The following KCTD18 variants were observed in gnomAD, a reference collection of about 807,000 sequenced individuals.
The protein encoded by KCTD18 is potassium channel tetramerization domain containing 18.
KCTD18 carries 22 observed loss-of-function variants against 30.4 expected under a neutral mutation model. The ratio of observed to expected loss-of-function variants is 0.72; its 90% CI spans 0.52 to 1.03. The LOEUF is 1.03. Ranked by LOEUF, KCTD18 falls within the 50% of genes least tolerant of loss-of-function variation. The pLI is 0.00. For synonymous variants in KCTD18, 186 were observed against 209.0 expected, an observed-to-expected ratio of 0.89 and a Z score of 0.95; for missense variants, 529 against 547.6, an observed-to-expected ratio of 0.97 and a Z score of 0.34.
Position 200,490,352 on chromosome 2 carries a change from A to G in KCTD18, c.1029T>C (p.Pro343=), listed in dbSNP as rs770629295. 1 of 1,614,232 alleles carries G rather than the reference A, an allele frequency of 6.2e-7. No homozygotes were observed. The highest frequency in any genetic ancestry group is 1.1e-5 in the South Asian group (1 of 91,092). The stretch of plus-strand genomic sequence containing the variant: ...CGCTCGCAGCCCCAGGGGAAGCCTG[A>G]GGATGCCCAGGTGCCCCCGTGCCCA... ...ALVGTGAPGH[P]QASPGAASAE... Residue 343 remains proline (P), a synonymous_variant, in exon 7 of 7, where the codon CCT becomes CCC. Coordinates refer to ENST00000359878, the MANE Select transcript of KCTD18 (RefSeq NM_152387.4).
intron 6 of KCTD18, among the ~76,000 whole-genome samples, chr2:200,492,422 A>G (rs2106276232): frequency 6.6e-6 from 1 of 152,368 alleles, no homozygotes; most frequent in East Asian, 1.9e-4. Context: ...AAAAGGTAAA[A>G]TAAATGATAA....
intron 3 of KCTD18, among the ~76,000 whole-genome samples, chr2:200,501,708 C>T (rs1321830060): frequency 6.8e-6 from 1 of 147,480 alleles, no homozygotes; most frequent in African/African-American, 2.5e-5. Flanking sequence ...ACTAGTTCAA[C>T]CATTGTGGAA....
intron 3 of KCTD18, among the ~76,000 whole-genome samples, chr2:200,501,783 C>T (rs1193396707): frequency 6.6e-6 from 1 of 151,746 alleles, no homozygotes; most frequent in Non-Finnish European, 1.5e-5. Flanking sequence ...CATCCCATTA[C>T]TGGGTATATA....
Position 200,490,190 on chromosome 2 carries a change from C to A in KCTD18, c.1191G>T (p.Thr397=). ...TAPCLPSPTA[T]RQANSLKPLP... is the part of the protein sequence containing the mutation. ...GCGGCTTGAGGGAGTTGGCCTGCCT[C>A]GTGGCCGTGGGGGAGGGCAGGCAAG... The change falls in exon 7 of 7, where the codon ACG becomes ACT. Residue 397 remains threonine, a synonymous_variant. Coordinates refer to ENST00000359878, the MANE Select transcript of KCTD18 (RefSeq NM_152387.4). 6.2e-7 allele frequency: 1 copy of A among 1,613,886 alleles called. No homozygotes were observed. The highest frequency in any genetic ancestry group is 8.5e-7 in the Non-Finnish European group (1 of 1,179,776).
intron 4 of KCTD18, among the ~76,000 whole-genome samples, chr2:200,498,522 T>C (rs1222742887): frequency 6.6e-6 from 1 of 152,250 alleles, no homozygotes; most frequent in East Asian, 1.9e-4. Context: ...AGTCACTCAG[T>C]AGGCCTGCTG....
At chr2:200,508,875 CCTAT>C (rs1469502583) in intron 1 of KCTD18, among the ~76,000 whole-genome samples, 3 of 152,176 alleles carry the variant, frequency 2.0e-5, no homozygotes, top group Non-Finnish European at 4.4e-5. Flanking sequence ...TCCCTGGAAT[CCTAT>C]CTATTCTTCA....
chr2:200,490,675 A>T (rs982820866), intron 6 of KCTD18, 59 bp from the exon 7 acceptor site: 2 of 1,494,302 alleles, frequency 1.3e-6, no homozygotes, highest in Non-Finnish European at 1.8e-6. Flanking sequence ...TCATGAAAAC[A>T]TCTCCCAAGT....
chr2:200,499,949 TC>T (rs1250532150), intron 3 of KCTD18, among the ~76,000 whole-genome samples: 1 of 151,748 alleles, frequency 6.6e-6, no homozygotes, highest in East Asian at 1.9e-4. Flanking sequence ...GTGGGCTTCA[TC>T]CCTGGGAATG....
intron 6 of KCTD18, 58 bp from the exon 7 acceptor site, chr2:200,490,674 C>T: frequency 4.0e-6 from 6 of 1,497,334 alleles, no homozygotes; most frequent in Non-Finnish European, 5.3e-6. Context: ...CTCATGAAAA[C>T]ATCTCCCAAG....
rs765961264 is a variant in KCTD18 at position 200,490,648 on chromosome 2, T to A, written c.765-32A>T. ...ATACAGAAGCGTGTCATTTTCCACA[T>A]GTATAGTTTTAGTAACTCATGAAAA... On this transcript the variant is annotated intron_variant, in intron 6 of 6. Coordinates refer to ENST00000359878, the MANE Select transcript of KCTD18 (RefSeq NM_152387.4). 11 of 1,540,648 alleles carry A rather than the reference T, an allele frequency of 7.1e-6. No individual in the cohort carries two copies. The Admixed American group carries it at 2.1e-4, about 30-fold the overall frequency.
chr2:200,494,343 C>A (rs2087966235), intron 5 of KCTD18, among the ~76,000 whole-genome samples: 1 of 152,158 alleles, frequency 6.6e-6, no homozygotes, highest in Non-Finnish European at 1.5e-5. Context: ...TTAGTTAATT[C>A]TGTTATGTGA....
intron 3 of KCTD18, among the ~76,000 whole-genome samples, chr2:200,500,087 C>A (rs529779286): frequency 0.054 from 8,050 of 148,046 alleles, 328 homozygotes; most frequent in Admixed American, 0.074. Flanking sequence ...ACAACCCTTC[C>A]TGCTAAAAAC....
intron 3 of KCTD18, among the ~76,000 whole-genome samples, chr2:200,503,111 C>G (rs1015436130): frequency 4.6e-5 from 7 of 151,860 alleles, no homozygotes; most frequent in African/African-American, 1.7e-4. Context: ...AGGGTTTCAC[C>G]CAGTGAAGCT....
rs115980141 is a variant in KCTD18, at chr2:200,503,272, G to A, written c.372+1476C>T. Among the ~76,000 whole-genome samples, 341 of 152,188 alleles carry A rather than the reference G, an allele frequency of 2.2e-3. 2 individuals are homozygous for A. The highest frequency in any genetic ancestry group is 7.9e-3 in the African/African-American group (328 of 41,522). On this transcript the variant is annotated intron_variant, in intron 3 of 6. Transcript: ENST00000359878. ...TTACTGACTCAGTGAATGAAAATGG[G>A]GCCCTACCATGTCTTGCACTTTCAT...
At position 200,493,150 on chromosome 2, in the gene KCTD18, TAAAC is replaced by T. The variant is rs751201739; in HGVS notation, c.764+18_764+21del. On this transcript the variant is annotated intron_variant, in intron 6 of 6. Transcript: ENST00000359878. ...TCAGCGATTAAAAAAACAAAACAAA[TAAAC>T]AACACAGCATAGATAACCTCTTTCG... is the stretch of plus-strand genomic sequence containing the variant. 7.0e-6 allele frequency: 10 copies of T among 1,434,818 alleles called. No individual in the cohort carries two copies. Among genetic ancestry groups the T allele is most frequent in the Non-Finnish European group, 8.8e-6 (9 of 1,019,296 alleles). The allele number at this position is 1,434,818 out of a possible 1,614,324, so 88.9% of individuals were successfully genotyped here.
Position 200,490,523 on chromosome 2 carries a change from T to C in KCTD18, c.858A>G (p.Gln286=). 2 of 1,606,044 alleles carry C rather than the reference T, an allele frequency of 1.2e-6. No homozygotes were observed. Among genetic ancestry groups the C allele is most frequent in the Non-Finnish European group, 8.5e-7 (1 of 1,179,982 alleles). ...CTGAGGCCGAGTTCTTGACTTTAATTTGGGTACTTGTGGAAGGGCCCAAAA... is the reference window on the plus strand; with the variant it reads ...CTGAGGCCGAGTTCTTGACTTTAATCTGGGTACTTGTGGAAGGGCCCAAAA... ...VRFLGPSTST[Q]IKVKNSASVT... The change falls in exon 7 of 7, where the codon CAA becomes CAG. Residue 286 remains glutamine, a synonymous_variant. Coordinates refer to ENST00000359878, the MANE Select transcript of KCTD18 (RefSeq NM_152387.4).
intron 4 of KCTD18, among the ~76,000 whole-genome samples, 169 bp from the exon 5 acceptor site, chr2:200,498,016 A>T (rs2088022996): frequency 6.6e-6 from 1 of 152,228 alleles, no homozygotes; most frequent in African/African-American, 2.4e-5. Context: ...ACACAGATAC[A>T]TATGTACACA....
chr2:200,495,771 T>G (rs774994954), intron 5 of KCTD18: 2 of 152,108 alleles, frequency 1.3e-5, no homozygotes, highest in Non-Finnish European at 2.9e-5. Context: ...TTTCTTTCTA[T>G]TAAGGATATA....
rs765320688 is a variant in KCTD18, at chr2:200,497,778, A to T, written c.636T>A (p.Asp212Glu). The T allele has an allele frequency of 6.2e-7, 1 of 1,611,620 alleles. No homozygotes were observed. Among genetic ancestry groups the T allele is most frequent in the Non-Finnish European group, 8.5e-7 (1 of 1,178,066 alleles). ...CTTTTCCTTCCCAAGCATCAAAGGC[A>T]TCCATCATTTTCTTCAACTCTGCTA... ...YSVAELKKMM[D>E]AFDAWEGKGV... is the part of the protein sequence containing the mutation. The change falls in exon 5 of 7, where the codon GAT (aspartate) becomes GAA (glutamate). Residue 212 changes from aspartate (D) to glutamate (E), a missense_variant. Coordinates refer to ENST00000359878, the MANE Select transcript of KCTD18 (RefSeq NM_152387.4).
Sources: allele counts gnomAD v4.1 joint callset (sites outside exome capture counted in the v4.1 genomes callset), GRCh38; gene constraint gnomAD v4.1.1; transcripts MANE v1.5; gene names NCBI Gene and HGNC (gene_info 2026-07-23, HGNC 2026-07-21).